ADAM12: variants seen among roughly 807,000 people sequenced by gnomAD.
ADAM12 encodes disintegrin and metalloproteinase domain-containing protein 12.
In ADAM12, 70 loss-of-function variants were observed where a neutral mutation model predicts 106.4. That is an observed-to-expected ratio of 0.66 (90% CI 0.54 to 0.80). The LOEUF is 0.80. Among genes scored for constraint, ADAM12 ranks in the 30% least tolerant of loss-of-function variants. The pLI is 0.00. For missense variants in ADAM12, 1,010 were observed against 1,171.9 expected (o/e 0.86, Z 2.02); for synonymous variants, 420 against 433.5 (o/e 0.97, Z 0.39).
intron 3 of ADAM12, among the ~76,000 whole-genome samples, chr10:126,231,601 G>A (rs1036359748): frequency 6.6e-6 from 1 of 152,142 alleles, no homozygotes; most frequent in African/African-American, 2.4e-5. Context: ...TAATAGGGAT[G>A]TCACCAAGGT....
rs939528848 is a variant in ADAM12, at chr10:126,043,240, C to T, written c.1996-92G>A. The T allele has an allele frequency of 5.0e-6, 6 of 1,193,312 alleles. No individual in the cohort carries two copies. The South Asian group carries it at 8.3e-5, about 17-fold the overall frequency. The allele number at this position is 1,193,312 out of a possible 1,614,324, so 73.9% of individuals were successfully genotyped here. A position where few individuals can be genotyped will look rare whatever the true frequency, so the allele number is the denominator to read the frequency against. On this transcript the variant is annotated intron_variant, in intron 17 of 22. Transcript: ENST00000448723. This position sits in a 1 kb window ranked among gnomAD's most constrained non-coding sequence, Gnocchi z 4.1. ...AAGGGGGGCCATGGTCAGAGCCCCC[C>T]CCCAACACTGACACAGCCAGACTCA...
At chr10:126,031,397 C>T (rs1413308004) in intron 21 of ADAM12, among the ~76,000 whole-genome samples, 2 of 152,206 alleles carry the variant, frequency 1.3e-5, no homozygotes, top group Non-Finnish European at 2.9e-5. Context: ...CTTATCCATT[C>T]GGAGCCAAAT....
intron 21 of ADAM12, among the ~76,000 whole-genome samples, chr10:126,030,150 A>G (rs1045727456): frequency 6.6e-6 from 1 of 152,222 alleles, no homozygotes; most frequent in Non-Finnish European, 1.5e-5. Flanking sequence ...GTATAAAACT[A>G]ATAAGGAATA....
At chr10:126,338,599 C>A (rs1275378660) in intron 1 of ADAM12, among the ~76,000 whole-genome samples, 1 of 152,064 alleles carries the variant, frequency 6.6e-6, no homozygotes, top group African/African-American at 2.4e-5. Flanking sequence ...GATACTAATC[C>A]CATTTTATAC....
At chr10:126,213,713 A>G (rs1473388688) in intron 3 of ADAM12, among the ~76,000 whole-genome samples, 1 of 152,248 alleles carries the variant, frequency 6.6e-6, no homozygotes, top group Non-Finnish European at 1.5e-5. Context: ...GTGAAAATAC[A>G]TATTTCAAAA....
chr10:126,252,814 C>T (rs73384730), intron 3 of ADAM12, among the ~76,000 whole-genome samples: 1 of 152,078 alleles, frequency 6.6e-6, no homozygotes, highest in Non-Finnish European at 1.5e-5. Flanking sequence ...AAATTAACCA[C>T]CACAGTCACA....
Position 126,352,254 on chromosome 10 carries a change from G to A in ADAM12, c.89-21745C>T, listed in dbSNP as rs550433779. Among the ~76,000 whole-genome samples, 26 of 152,228 alleles carry A rather than the reference G, an allele frequency of 1.7e-4. No homozygotes were observed. The South Asian group carries it at 4.1e-3, about 24-fold the overall frequency. On this transcript the variant is annotated intron_variant, in intron 1 of 22. Coordinates refer to ENST00000448723, the MANE Select transcript of ADAM12 (RefSeq NM_001288973.2). ...CAAAGAGAACAGGTCTTGGGCTCAG[G>A]GACACCAACAGACACTATTGTCTGG...
At chr10:126,110,297 G>A (rs1034289478) in intron 6 of ADAM12, among the ~76,000 whole-genome samples, 1 of 152,076 alleles carries the variant, frequency 6.6e-6, no homozygotes, top group Non-Finnish European at 1.5e-5. Flanking sequence ...TGTCTTTATG[G>A]TCCAAGTGTA....
chr10:126,386,044 G>C (rs906782797), intron 1 of ADAM12, among the ~76,000 whole-genome samples: 1 of 152,106 alleles, frequency 6.6e-6, no homozygotes, highest in African/African-American at 2.4e-5. Context: ...TAAGGAAGTG[G>C]GTAGGTGGGA....
intron 1 of ADAM12, among the ~76,000 whole-genome samples, chr10:126,378,378 T>C (rs1359024233): frequency 6.6e-6 from 1 of 152,224 alleles, no homozygotes; most frequent in Non-Finnish European, 1.5e-5. Flanking sequence ...GGAAAACATA[T>C]TTATTATCAA....
chr10:126,204,412 T>A (rs2133825237), intron 3 of ADAM12, among the ~76,000 whole-genome samples: 1 of 152,286 alleles, frequency 6.6e-6, no homozygotes, highest in Admixed American at 6.5e-5. Flanking sequence ...GCTGCTAAAT[T>A]AGCCTCACCT....
chr10:126,134,309 G>C (rs1329895954), intron 5 of ADAM12, among the ~76,000 whole-genome samples: 1 of 152,226 alleles, frequency 6.6e-6, no homozygotes, highest in Non-Finnish European at 1.5e-5. Context: ...AACTTGGAGA[G>C]ACAGACAGGG....
chr10:126,267,643 T>C (rs1431722931), intron 3 of ADAM12, among the ~76,000 whole-genome samples: 1 of 152,120 alleles, frequency 6.6e-6, no homozygotes, highest in East Asian at 1.9e-4. Flanking sequence ...ATCTGAGTGA[T>C]GGGGAGCAGC....
intron 2 of ADAM12, among the ~76,000 whole-genome samples, chr10:126,322,505 A>G (rs947340855): frequency 6.6e-6 from 1 of 152,180 alleles, no homozygotes; most frequent in African/African-American, 2.4e-5. Flanking sequence ...TGTATCAGGG[A>G]TGCTGCTACA....
rs1211069816 is a variant in ADAM12 at position 126,121,161 on chromosome 10, TATACTATATATACTATATAC to T, written c.417-2957_417-2938del. 5.9e-3 allele frequency among the ~76,000 whole-genome samples: 364 copies of T among 61,328 alleles called. 3 individuals carry two copies. The highest frequency in any genetic ancestry group is 0.025 in the African/African-American group (354 of 13,920). 40.2% of individuals were successfully genotyped at this position (61,328 alleles called of 152,430 possible). On this transcript the variant is annotated intron_variant, in intron 5 of 22. Coordinates refer to ENST00000448723, the MANE Select transcript of ADAM12 (RefSeq NM_001288973.2). Reference sequence around the variant, plus strand: ...TACTATATATACTATATATACTATATATACTATATATACTATATACACTATATACTATATATATACTATAT... The same window carrying T: ...TACTATATATACTATATATACTATATACTATATACTATATATATACTATAT...
intron 2 of ADAM12, among the ~76,000 whole-genome samples, chr10:126,294,388 C>T (rs999230452): frequency 8.5e-5 from 13 of 152,142 alleles, no homozygotes; most frequent in Middle Eastern, 3.2e-3. Flanking sequence ...AAAACCTTAG[C>T]GTATTTTCAG....
intron 18 of ADAM12, among the ~76,000 whole-genome samples, chr10:126,040,174 T>C (rs918273478): frequency 6.6e-6 from 1 of 152,128 alleles, no homozygotes; most frequent in East Asian, 1.9e-4. Flanking sequence ...GGTTGGTTTC[T>C]TACAGTAGCT....
intron 3 of ADAM12, among the ~76,000 whole-genome samples, chr10:126,251,486 G>A (rs1240656478): frequency 1.8e-4 from 2 of 11,376 alleles, no homozygotes; most frequent in African/African-American, 1.1e-3. Context: ...ATGGACAGAT[G>A]GAATCGATGC....
intron 3 of ADAM12, among the ~76,000 whole-genome samples, chr10:126,173,592 G>T (rs1957160151): frequency 6.6e-6 from 1 of 152,184 alleles, no homozygotes; most frequent in African/African-American, 2.4e-5. Context: ...ATGTAGGAGG[G>T]ATTAATATAC....
Sources: gnomAD v4.1 joint callset for allele counts (sites outside exome capture counted in the v4.1 genomes callset) on GRCh38, gnomAD v4.1.1 for gene constraint, Gnocchi (gnomAD v3.1) non-coding constraint, MANE v1.5 for transcripts, NCBI Gene and HGNC (gene_info 2026-07-23, HGNC 2026-07-21) for gene names.